The following PWWP3B variants were observed in gnomAD, a reference collection of about 807,000 sequenced individuals.
PWWP3B encodes the protein PWWP domain containing 3B, also known as PWWP domain-containing DNA repair factor 3B.
Under a neutral mutation model 15.7 loss-of-function variants are expected in PWWP3B, and 5 were observed. The ratio of observed to expected loss-of-function variants is 0.32; its 90% CI spans 0.17 to 0.67. The LOEUF (loss-of-function observed/expected upper bound fraction) is 0.67, where lower values mean the gene tolerates loss of function less well. Among genes scored for constraint, PWWP3B ranks in the 30% least tolerant of loss-of-function variants. The probability of loss-of-function intolerance (pLI) is 0.74; values close to 1 mark genes in which losing one functional copy is unlikely to be tolerated. For synonymous variants in PWWP3B, 203 were observed against 179.8 expected, an observed-to-expected ratio of 1.13 and a Z score of -1.03; for missense variants, 519 against 493.1, an observed-to-expected ratio of 1.05 and a Z score of -0.50.
chrX:106,192,856 G>A (rs1261666220), intron 2 of PWWP3B, among the ~76,000 whole-genome samples: 1 of 110,932 alleles, frequency 9.0e-6, no homozygotes, highest in African/African-American at 3.3e-5. Context: ...GTGGTTTTGA[G>A]TGAGTTTCTT....
intron 2 of PWWP3B, among the ~76,000 whole-genome samples, chrX:106,200,616 T>A (rs939512689): frequency 1.2e-4 from 13 of 111,659 alleles, no homozygotes; most frequent in African/African-American, 4.2e-4. Context: ...AAATCAGAAA[T>A]CTATACTTAA....
At chrX:106,178,291 C>T (rs1922005534) in intron 2 of PWWP3B, among the ~76,000 whole-genome samples, 1 of 112,181 alleles carries the variant, frequency 8.9e-6, no homozygotes, top group Non-Finnish European at 1.9e-5. Flanking sequence ...CAGTTTTAAA[C>T]GTATTATGTA....
chrX:106,189,288 G>T (rs1195202114), intron 2 of PWWP3B, among the ~76,000 whole-genome samples: 1 of 111,006 alleles, frequency 9.0e-6, no homozygotes, highest in African/African-American at 3.3e-5. Context: ...GTGCAGGTTT[G>T]TTACATATGT....
rs551968953 is a variant in PWWP3B at position 106,204,809 on chromosome X, G to A, written c.-214-410G>A. On this transcript the variant is annotated intron_variant, in intron 3 of 3. Coordinates refer to ENST00000357175, the MANE Select transcript of PWWP3B (RefSeq NM_001171020.2). Reference sequence around the variant, plus strand: ...TTCTGAATAAAACTCTCATGATGGGGCCTAGAAATATAAGTCCTTCAGATG... The same window carrying A: ...TTCTGAATAAAACTCTCATGATGGGACCTAGAAATATAAGTCCTTCAGATG... 4.5e-5 allele frequency among the ~76,000 whole-genome samples: 5 copies of A among 111,660 alleles called. No individual in the cohort carries two copies. In the South Asian group the frequency reaches 1.9e-3, roughly 42 times the overall value.
At chrX:106,187,868 A>G (rs1343656694) in intron 2 of PWWP3B, among the ~76,000 whole-genome samples, 1 of 112,045 alleles carries the variant, frequency 8.9e-6, no homozygotes, top group Non-Finnish European at 1.9e-5. Context: ...TAAAATAATG[A>G]CATTTATTTA....
At position 106,207,105 on chromosome X, in the gene PWWP3B, A is replaced by G; in HGVS notation, c.1673A>G (p.Asp558Gly). Residue 558 changes from aspartate to glycine, a missense_variant, in exon 4 of 4, where the codon GAC (aspartate) becomes GGC (glycine). Physicochemically the swap from Asp to Gly is moderately conservative, Grantham distance 94. Transcript: ENST00000357175. ...GACCGAGCCAACAAGAACCTGGTGG[A>G]CTTCATTGTGAATGCAAAGGGAACA... is the stretch of plus-strand genomic sequence containing the variant. ...ARDRANKNLV[D>G]FIVNAKGTEN... 8.3e-7 allele frequency: 1 copy of G among 1,207,021 alleles called. No individual in the cohort carries two copies. Among genetic ancestry groups the G allele is most frequent in the Non-Finnish European group, 1.1e-6 (1 of 892,861 alleles).
At chrX:106,178,248 A>G (rs1233092858) in intron 2 of PWWP3B, among the ~76,000 whole-genome samples, 1 of 112,086 alleles carries the variant, frequency 8.9e-6, no homozygotes, top group Non-Finnish European at 1.9e-5. Context: ...TGTAAGAGTG[A>G]GAAACGGATA....
intron 2 of PWWP3B, among the ~76,000 whole-genome samples, chrX:106,193,187 G>C (rs923558632): frequency 9.0e-6 from 1 of 111,045 alleles, no homozygotes; most frequent in Non-Finnish European, 1.9e-5. Flanking sequence ...TCTCTTCGTA[G>C]GTCACTAAGG....
At chrX:106,191,551 G>T (rs191818324) in intron 2 of PWWP3B, among the ~76,000 whole-genome samples, 2,803 of 110,940 alleles carry the variant, frequency 0.025, 96 homozygotes, top group African/African-American at 0.087. Flanking sequence ...CTGCCTGATT[G>T]CCCTGGCCAG....
In PWWP3B at chrX:106,206,608, A is replaced by C; in HGVS notation, c.1176A>C (p.Thr392=). 8.3e-7 allele frequency: 1 copy of C among 1,210,514 alleles called. No individual in the cohort carries two copies. The highest frequency in any genetic ancestry group is 1.1e-6 in the Non-Finnish European group (1 of 894,655). ...ATTATGAGACACATCCGTTTGAAACAGGAATGATAGTCTGGTTTAAATATC... is the reference window on the plus strand; with the variant it reads ...ATTATGAGACACATCCGTTTGAAACCGGAATGATAGTCTGGTTTAAATATC... ...ILHYETHPFE[T]GMIVWFKYQK... The change falls in exon 4 of 4, where the codon ACA becomes ACC. Residue 392 remains threonine, a synonymous_variant. Transcript: ENST00000357175.
In PWWP3B at chrX:106,206,733, A is replaced by G. The variant is rs749211151; in HGVS notation, c.1301A>G (p.Lys434Arg). 6 of 1,209,048 alleles carry G rather than the reference A, an allele frequency of 5.0e-6. No individual in the cohort carries two copies. Among genetic ancestry groups the G allele is most frequent in the Non-Finnish European group, 5.6e-6 (5 of 894,365 alleles). ...GAGGCAAACATGAATTCTGAAAAGA[A>G]GGGCATTAGAGTAAATTTTAGAAGA... ...FVEANMNSEK[K>R]GIRVNFRRLK... The change falls in exon 4 of 4, where the codon AAG becomes AGG. Residue 434 changes from lysine (K) to arginine (R), a missense_variant. By Grantham distance (26) the Lys-to-Arg change is conservative. Transcript: ENST00000357175.
At chrX:106,172,531 G>T (rs895428329) in intron 2 of PWWP3B, among the ~76,000 whole-genome samples, 1 of 109,369 alleles carries the variant, frequency 9.1e-6, no homozygotes, top group African/African-American at 3.3e-5. Flanking sequence ...CCTACACAGG[G>T]TCAAGATCGT....
At chrX:106,198,434 A>G (rs1324088351) in intron 2 of PWWP3B, among the ~76,000 whole-genome samples, 8 of 111,700 alleles carry the variant, frequency 7.2e-5, no homozygotes, top group Non-Finnish European at 1.5e-4. Flanking sequence ...CATCATTGTC[A>G]TTATTAATAA....
chrX:106,184,820 C>A (rs938726336), intron 2 of PWWP3B, among the ~76,000 whole-genome samples: 1 of 111,208 alleles, frequency 9.0e-6, no homozygotes, highest in Non-Finnish European at 1.9e-5. Flanking sequence ...CAGGTTGGGC[C>A]AAATTCCCTT....
chrX:106,191,092 G>A (rs1305858891), intron 2 of PWWP3B, among the ~76,000 whole-genome samples: 12 of 109,315 alleles, frequency 1.1e-4, no homozygotes, highest in African/African-American at 4.0e-4. Flanking sequence ...AAAGTCATTG[G>A]TAGCTTGATG....
chrX:106,184,946 T>C (rs1321685138), intron 2 of PWWP3B, among the ~76,000 whole-genome samples: 2 of 110,924 alleles, frequency 1.8e-5, no homozygotes, highest in Non-Finnish European at 3.8e-5. Context: ...TTATCATTAA[T>C]AGGAAGGGGA....
rs760809580 is a variant in PWWP3B, at chrX:106,205,713, T to C, written c.281T>C (p.Leu94Pro). Residue 94 changes from leucine (L) to proline (P), a missense_variant, in exon 4 of 4, where the codon CTG (leucine) becomes CCG (proline). Leu to Pro is a moderately conservative substitution (Grantham distance 98). Coordinates refer to ENST00000357175, the MANE Select transcript of PWWP3B (RefSeq NM_001171020.2). ...TAYGRSLKVA[L>P]GILNERTNLS... The stretch of plus-strand genomic sequence containing the variant: ...TATGGAAGATCACTAAAAGTGGCAC[T>C]GGGTATTCTGAATGAGAGAACAAAT... The C allele has an allele frequency of 1.1e-5, 13 of 1,210,133 alleles. 1 individual carries two copies. In the South Asian group the frequency reaches 2.3e-4, roughly 21 times the overall value.
chrX:106,178,677 CACTT>C (rs1198595015), intron 2 of PWWP3B, among the ~76,000 whole-genome samples: 4 of 111,701 alleles, frequency 3.6e-5, no homozygotes, highest in Non-Finnish European at 5.6e-5. Flanking sequence ...ACATTGAAAA[CACTT>C]AGTAGTATGC....
intron 2 of PWWP3B, among the ~76,000 whole-genome samples, chrX:106,192,452 G>T (rs1347022190): frequency 7.4e-5 from 8 of 108,743 alleles, no homozygotes; most frequent in Non-Finnish European, 1.5e-4. Context: ...ATTAGTCTTG[G>T]TAGCGGTCTA....
Sources: allele counts gnomAD v4.1 joint callset (sites outside exome capture counted in the v4.1 genomes callset), GRCh38; gene constraint gnomAD v4.1.1; transcripts MANE v1.5; gene names NCBI Gene and HGNC (gene_info 2026-07-23, HGNC 2026-07-21).